Variants in PCDH15 observed in about 807,000 individuals in gnomAD.
PCDH15 encodes the protein protocadherin-15.
PCDH15 carries 129 observed loss-of-function variants against 178.5 expected under a neutral mutation model. That is an observed-to-expected ratio of 0.72 (90% CI 0.63 to 0.84). PCDH15 has a LOEUF of 0.84. Ranked by LOEUF, PCDH15 falls within the 40% of genes least tolerant of loss-of-function variation. The pLI is 0.00. For synonymous variants in PCDH15, 800 were observed against 732.0 expected (o/e 1.09, Z -1.50); for missense variants, 2,230 against 2,099.9 (o/e 1.06, Z -1.21).
At chr10:54,494,533 T>C (rs1001466525) in intron 3 of PCDH15, among the ~76,000 whole-genome samples, 5 of 152,112 alleles carry the variant, frequency 3.3e-5, no homozygotes, top group South Asian at 4.1e-4. Context: ...TGAATCAGTG[T>C]AGCAATTCTC....
chr10:55,224,667 A>G (rs2132189273), intron 1 of PCDH15, among the ~76,000 whole-genome samples: 1 of 152,262 alleles, frequency 6.6e-6, no homozygotes, highest in Middle Eastern at 3.4e-3. Flanking sequence ...GTAGGGGCTC[A>G]ATAAATACTC....
At chr10:54,197,142 T>C (rs908244698) in intron 10 of PCDH15, among the ~76,000 whole-genome samples, 2 of 152,144 alleles carry the variant, frequency 1.3e-5, no homozygotes, top group Non-Finnish European at 2.9e-5. Context: ...TGCAATATTA[T>C]TTAACTAGAA....
chr10:54,839,093 A>G lies in PCDH15; in HGVS notation c.-29+58357T>C, dbSNP rs953213596. 4.0e-4 allele frequency among the ~76,000 whole-genome samples: 61 copies of G among 152,190 alleles called. 1 individual carries two copies. Among genetic ancestry groups the G allele is most frequent in the African/African-American group, 1.5e-3 (61 of 41,456 alleles). ...AAAAGAGGTTTACTTCTTCAAATGC[A>G]CAAACATCAATACAAGGCTGTAAGA... On this transcript the variant is annotated intron_variant, in intron 3 of 5. Coordinates refer to the PCDH15 transcript ENST00000458638.
At chr10:55,516,883 T>C (rs1268815025) in intron 2 of PCDH15, among the ~76,000 whole-genome samples, 1 of 152,122 alleles carries the variant, frequency 6.6e-6, no homozygotes, top group Non-Finnish European at 1.5e-5. Context: ...ACTGCTCCTC[T>C]GTAATTTTAT....
At chr10:54,231,015 C>T (rs1044693324) in intron 9 of PCDH15, among the ~76,000 whole-genome samples, 1 of 152,176 alleles carries the variant, frequency 6.6e-6, no homozygotes, top group African/African-American at 2.4e-5. Context: ...TTAACATTTA[C>T]ATTAAAAATG....
At chr10:55,157,771 C>T (rs1838931139) in intron 2 of PCDH15, among the ~76,000 whole-genome samples, 1 of 149,234 alleles carries the variant, frequency 6.7e-6, no homozygotes, top group Non-Finnish European at 1.5e-5. Flanking sequence ...CACTTGGACA[C>T]AGGAAGGGGT....
intron 3 of PCDH15, among the ~76,000 whole-genome samples, chr10:54,443,509 A>T (rs1383369075): frequency 6.6e-6 from 1 of 151,678 alleles, no homozygotes; most frequent in African/African-American, 2.4e-5. Flanking sequence ...AAAAATCTGT[A>T]TAAAATAATA....
chr10:54,859,738 G>A (rs1177949124), intron 3 of PCDH15, among the ~76,000 whole-genome samples: 2 of 151,270 alleles, frequency 1.3e-5, no homozygotes, highest in Non-Finnish European at 3.0e-5. Flanking sequence ...ATTTGTTTCA[G>A]GTTCACATAA....
chr10:55,516,233 C>A (rs1035709123), intron 2 of PCDH15, among the ~76,000 whole-genome samples: 4 of 151,986 alleles, frequency 2.6e-5, no homozygotes, highest in Non-Finnish European at 1.5e-5. Flanking sequence ...AAAAAAATCT[C>A]ACAAGATCTG....
chr10:53,807,659 C>A (rs562623931), intron 37 of PCDH15, among the ~76,000 whole-genome samples: 9 of 150,894 alleles, frequency 6.0e-5, no homozygotes, highest in Non-Finnish European at 1.3e-4. Flanking sequence ...CATTTATTTA[C>A]TTGACTTTAC....
intron 2 of PCDH15, among the ~76,000 whole-genome samples, chr10:54,969,599 C>T (rs934687823): frequency 2.0e-5 from 3 of 152,106 alleles, no homozygotes; most frequent in Non-Finnish European, 2.9e-5. Context: ...GATGTTTTCT[C>T]GCCAGTATTC....
At chr10:54,716,583 A>T (rs1326136104) in intron 1 of PCDH15, among the ~76,000 whole-genome samples, 1 of 152,052 alleles carries the variant, frequency 6.6e-6, no homozygotes, top group Non-Finnish European at 1.5e-5. Context: ...ATATATAAGA[A>T]TGCTTGTGAT....
Position 53,866,872 on chromosome 10 carries a change from A to G in PCDH15, c.3502-15T>C. The G allele has an allele frequency of 6.5e-7, 1 of 1,536,566 alleles. No individual in the cohort carries two copies. The highest frequency in any genetic ancestry group is 9.0e-7 in the Non-Finnish European group (1 of 1,111,180). Reference sequence around the variant, plus strand: ...TTATCAGTAGCCTAGACGGAGGGGAAAAAAAAAGAGATTATAATTAAGCAG... The same window carrying G: ...TTATCAGTAGCCTAGACGGAGGGGAGAAAAAAAGAGATTATAATTAAGCAG... On this transcript the variant is annotated splice_polypyrimidine_tract_variant and intron_variant, in intron 26 of 37. Coordinates refer to ENST00000644397, the MANE Select transcript of PCDH15 (RefSeq NM_001384140.1).
rs1183169681 is a variant in PCDH15, at chr10:55,164,855, C to T, written c.-80+1721G>A. Among the ~76,000 whole-genome samples, 9 of 152,118 alleles carry T rather than the reference C, an allele frequency of 5.9e-5. No individual in the cohort carries two copies. The East Asian group carries it at 7.7e-4, about 13-fold the overall frequency. ...TACGCAAGCGGATTGAAAAGGTGTACGTGTAGAGTACTTACCCTAATCCTT... is the reference window on the plus strand; with the variant it reads ...TACGCAAGCGGATTGAAAAGGTGTATGTGTAGAGTACTTACCCTAATCCTT... On this transcript the variant is annotated intron_variant, in intron 2 of 5. Transcript: ENST00000458638.
chr10:54,830,232 G>C (rs2133750334), intron 3 of PCDH15, among the ~76,000 whole-genome samples: 1 of 152,204 alleles, frequency 6.6e-6, no homozygotes, highest in Non-Finnish European at 1.5e-5. Context: ...TCCCATTACT[G>C]GGTATATACC....
intron 26 of PCDH15, among the ~76,000 whole-genome samples, chr10:53,888,915 T>C (rs894420925): frequency 1.9e-4 from 28 of 150,750 alleles, no homozygotes; most frequent in African/African-American, 6.6e-4. Flanking sequence ...AATAAGCCTT[T>C]ACATCCATGA....
chr10:55,090,094 G>C (rs1842277601), intron 2 of PCDH15, among the ~76,000 whole-genome samples: 1 of 151,972 alleles, frequency 6.6e-6, no homozygotes. Context: ...CTGCAAGAAA[G>C]TTATGAAAGT....
intron 2 of PCDH15, among the ~76,000 whole-genome samples, chr10:54,932,022 A>G (rs966499306): frequency 6.6e-6 from 1 of 152,226 alleles, no homozygotes; most frequent in Non-Finnish European, 1.5e-5. Context: ...TGAACGATGA[A>G]CCATATATGC....
intron 3 of PCDH15, among the ~76,000 whole-genome samples, chr10:54,508,216 A>T (rs2081330270): frequency 1.3e-5 from 2 of 152,058 alleles, no homozygotes; most frequent in Non-Finnish European, 2.9e-5. Context: ...ACTGTATTTT[A>T]CACATCAAAA....
Sources: gnomAD v4.1 joint callset for allele counts (sites outside exome capture counted in the v4.1 genomes callset) on GRCh38, gnomAD v4.1.1 for gene constraint, MANE v1.5 for transcripts, NCBI Gene and HGNC (gene_info 2026-07-23, HGNC 2026-07-21) for gene names.